Variants in EGFR observed in about 807,000 individuals in gnomAD.
The protein encoded by EGFR is avian erythroblastic leukemia viral (v-erb-b) oncogene homolog.
EGFR carries 58 observed loss-of-function variants against 143.0 expected under a neutral mutation model. The ratio of observed to expected loss-of-function variants is 0.41; its 90% confidence interval spans 0.33 to 0.50. The LOEUF (loss-of-function observed/expected upper bound fraction) is 0.50, where lower values mean the gene tolerates loss of function less well. EGFR is among the 20% of genes least tolerant of loss of function. The pLI, the probability that EGFR is intolerant of heterozygous loss-of-function variation, is 0.39. For missense variants in EGFR, 1,307 were observed against 1,579.0 expected (o/e 0.83, Z 2.92); for synonymous variants, 613 against 594.4 (o/e 1.03, Z -0.45).
chr7:55,146,877 C>T lies in EGFR; in HGVS notation c.559+137C>T, dbSNP rs576769399. On this transcript the variant is annotated intron_variant, in intron 4 of 27. Coordinates refer to ENST00000275493, the MANE Select transcript of EGFR (RefSeq NM_005228.5). ...AAAAGTAGTAAGCAAAATATCTGAC[C>T]ACTAGAAAAGCATGTATTTACCACG... The T allele has an allele frequency of 1.1e-3, 1,447 of 1,280,262 alleles. 2 individuals carry two copies. Among genetic ancestry groups the T allele is most frequent in the Non-Finnish European group, 1.4e-3 (1,300 of 910,408 alleles). 79.3% of individuals were successfully genotyped at this position (1,280,262 alleles called of 1,614,324 possible).
chr7:55,070,897 G>A (rs1023155561), intron 1 of EGFR, among the ~76,000 whole-genome samples: 3 of 152,342 alleles, frequency 2.0e-5, no homozygotes, highest in African/African-American at 4.8e-5. Context: ...TAATAAAGCC[G>A]GCAGATCCTA....
At chr7:55,102,325 C>G (rs929036309) in intron 1 of EGFR, among the ~76,000 whole-genome samples, 1 of 152,238 alleles carries the variant, frequency 6.6e-6, no homozygotes, top group East Asian at 1.9e-4. Flanking sequence ...GGAACCCCAG[C>G]CACCTTCGAC....
intron 15 of EGFR, chr7:55,170,333 T>C (rs2128950458): frequency 6.2e-7 from 1 of 1,614,156 alleles, no homozygotes; most frequent in East Asian, 2.2e-5. Flanking sequence ...CTCAAAGCCA[T>C]GTTATTCTGC....
chr7:55,147,861 T>C (rs1218906106), intron 4 of EGFR, among the ~76,000 whole-genome samples: 3 of 152,244 alleles, frequency 2.0e-5, no homozygotes, highest in South Asian at 4.1e-4. Flanking sequence ...GGGGCTCTCA[T>C]ACAGGTGGAA....
intron 4 of EGFR, among the ~76,000 whole-genome samples, chr7:55,149,619 A>G (rs1005669458): frequency 3.6e-4 from 55 of 152,312 alleles, no homozygotes; most frequent in African/African-American, 1.2e-3. Context: ...TGCAATATGT[A>G]TCTAAAGCTT....
chr7:55,190,110 CT>C (rs1435507599), intron 20 of EGFR, among the ~76,000 whole-genome samples: 1 of 152,150 alleles, frequency 6.6e-6, no homozygotes, highest in Non-Finnish European at 1.5e-5. Context: ...TTGGGAAGCG[CT>C]TCCTCGGCTT....
chr7:55,094,226 C>T (rs1219746343), intron 1 of EGFR, among the ~76,000 whole-genome samples: 1 of 152,230 alleles, frequency 6.6e-6, no homozygotes, highest in East Asian at 1.9e-4. Flanking sequence ...AATGAATTGG[C>T]TTCACCCAGC....
At chr7:55,019,415 G>A (rs1786383063) in intron 1 of EGFR, 50 bp downstream of exon 1, 3 of 1,256,786 alleles carry the variant, frequency 2.4e-6, no homozygotes, top group Non-Finnish European at 3.1e-6. Context: ...TCGCGCCCCG[G>A]ACCCCGCAGC....
chr7:55,180,785 G>A (rs976988579), intron 19 of EGFR: 25 of 175,534 alleles, frequency 1.4e-4, no homozygotes, highest in Admixed American at 6.0e-4. Flanking sequence ...CTGCTGGCTC[G>A]GTGCTCCCCG....
intron 1 of EGFR, among the ~76,000 whole-genome samples, chr7:55,072,686 G>A (rs1789905655): frequency 6.6e-6 from 1 of 152,180 alleles, no homozygotes; most frequent in Non-Finnish European, 1.5e-5. Flanking sequence ...GCTTGTCGTA[G>A]CACAAGCAGT....
intron 1 of EGFR, among the ~76,000 whole-genome samples, chr7:55,124,055 T>C (rs1355018433): frequency 6.6e-6 from 1 of 152,198 alleles, no homozygotes; most frequent in Non-Finnish European, 1.5e-5. Context: ...TGTATGCGTG[T>C]AGTTCTAGAG....
chr7:55,126,269 T>A (rs1793517530), intron 1 of EGFR, among the ~76,000 whole-genome samples: 1 of 152,226 alleles, frequency 6.6e-6, no homozygotes, highest in Non-Finnish European at 1.5e-5. Context: ...GGAACAGCAT[T>A]GGTTCCAGTC....
chr7:55,049,403 C>A (rs1226900917), intron 1 of EGFR, among the ~76,000 whole-genome samples: 1 of 152,224 alleles, frequency 6.6e-6, no homozygotes, highest in Non-Finnish European at 1.5e-5. Context: ...GAGAACTCAG[C>A]TGCCAGTCTC....
chr7:55,130,811 C>G (rs1177225127), intron 1 of EGFR, among the ~76,000 whole-genome samples: 1 of 152,190 alleles, frequency 6.6e-6, no homozygotes, highest in Non-Finnish European at 1.5e-5. Flanking sequence ...CGCACAGGAT[C>G]CCTGCTAGAC....
At chr7:55,054,717 C>A (rs372611392) in intron 1 of EGFR, among the ~76,000 whole-genome samples, 1 of 152,222 alleles carries the variant, frequency 6.6e-6, no homozygotes, top group African/African-American at 2.4e-5. Flanking sequence ...GGACCCCTTG[C>A]GGGGCAGTGG....
chr7:55,022,506 C>G (rs1786632732), intron 1 of EGFR, among the ~76,000 whole-genome samples: 1 of 152,202 alleles, frequency 6.6e-6, no homozygotes, highest in South Asian at 2.1e-4. Flanking sequence ...TGAAGGTGGA[C>G]AAGTCACTTT....
At chr7:55,139,604 T>C (rs947414690) in intron 1 of EGFR, among the ~76,000 whole-genome samples, 3 of 152,220 alleles carry the variant, frequency 2.0e-5, no homozygotes, top group African/African-American at 7.2e-5. Context: ...GTATTCAAGA[T>C]TGACATGCCT....
chr7:55,165,436 G>T lies in EGFR; in HGVS notation c.1879G>T (p.Gly627Ter), dbSNP rs753315940. 6.2e-7 allele frequency: 1 copy of T among 1,609,234 alleles called. No homozygotes were observed. The highest frequency in any genetic ancestry group is 8.5e-7 in the Non-Finnish European group (1 of 1,176,334). ...CCTGTGCCATCCAAACTGCACCTACGGGTGAGTGGAAAGTGAAGGAGAACA... is the reference window on the plus strand; with the variant it reads ...CCTGTGCCATCCAAACTGCACCTACTGGTGAGTGGAAAGTGAAGGAGAACA... Reference protein sequence around the residue: ...CHLCHPNCTYGCTGPGLEGCP... With the variant: ...CHLCHPNCTY Residue 627 changes from glycine (G) to a stop codon, truncating the protein, a stop_gained and splice_region_variant, in exon 15 of 28, where the codon GGA (glycine) becomes TGA (stop). Transcript: ENST00000275493. LOFTEE classifies it high-confidence loss of function.
chr7:55,149,559 G>A (rs945372255), intron 4 of EGFR, among the ~76,000 whole-genome samples: 5 of 152,118 alleles, frequency 3.3e-5, no homozygotes, highest in South Asian at 2.1e-4. Flanking sequence ...AAATTCTCAC[G>A]TTCTGCTTGT....
Sources: allele counts gnomAD v4.1 joint callset (sites outside exome capture counted in the v4.1 genomes callset), GRCh38; gene constraint gnomAD v4.1.1; transcripts MANE v1.5; gene names NCBI Gene and HGNC (gene_info 2026-07-23, HGNC 2026-07-21).